The following NELL1 variants were observed in gnomAD, a reference collection of about 807,000 sequenced individuals.
NELL1 encodes the protein protein kinase C-binding protein NELL1.
Under a neutral mutation model 107.4 loss-of-function variants are expected in NELL1, and 76 were observed. That is an observed-to-expected ratio of 0.71 (90% confidence interval 0.59 to 0.86). The LOEUF (loss-of-function observed/expected upper bound fraction) is 0.86. Ranked by LOEUF, NELL1 falls within the 40% of genes least tolerant of loss-of-function variation. The pLI is 0.00. For missense variants in NELL1, 1,024 were observed against 1,005.5 expected, an observed-to-expected ratio of 1.02 and a Z score of -0.25; for synonymous variants, 353 against 341.2, an observed-to-expected ratio of 1.03 and a Z score of -0.38.
chr11:20,980,655 A>G (rs961917469), intron 12 of NELL1, among the ~76,000 whole-genome samples: 1 of 152,200 alleles, frequency 6.6e-6, no homozygotes, highest in African/African-American at 2.4e-5. Flanking sequence ...TAACTTGACA[A>G]TATTGCATAT....
intron 14 of NELL1, among the ~76,000 whole-genome samples, chr11:21,294,149 T>A (rs1188734574): frequency 6.6e-6 from 1 of 152,112 alleles, no homozygotes; most frequent in African/African-American, 2.4e-5. Context: ...ACATGGGCAT[T>A]GCTTAATCAG....
chr11:21,519,500 A>G (rs1398470472), intron 15 of NELL1, among the ~76,000 whole-genome samples: 2 of 146,840 alleles, frequency 1.4e-5, no homozygotes, highest in Admixed American at 7.0e-5. Context: ...GCTAGGAGAT[A>G]GGCTTCCTTT....
intron 13 of NELL1, among the ~76,000 whole-genome samples, chr11:21,195,250 G>C (rs1051463871): frequency 1.2e-4 from 18 of 152,022 alleles, no homozygotes; most frequent in African/African-American, 3.6e-4. Context: ...TTGTACGAAG[G>C]CTGTCATGGT....
chr11:21,389,057 T>A (rs1289348125), intron 15 of NELL1, among the ~76,000 whole-genome samples: 1 of 151,882 alleles, frequency 6.6e-6, no homozygotes, highest in Non-Finnish European at 1.5e-5. Flanking sequence ...ATTTGCTGGT[T>A]ATCTAAGCAG....
chr11:20,898,476 T>C lies in NELL1; in HGVS notation c.603+12936T>C, dbSNP rs188331015. Among the ~76,000 whole-genome samples, 734 of 151,964 alleles carry C rather than the reference T, an allele frequency of 4.8e-3. 9 individuals are homozygous for C. Among genetic ancestry groups the C allele is most frequent in the African/African-American group, 0.017 (704 of 41,448 alleles). ...AGGAGATATACCTAATGTTAAATGA[T>C]GAGTTACTGGGTACAGCACACCAAC... is the stretch of plus-strand genomic sequence containing the variant. On this transcript the variant is annotated intron_variant, in intron 5 of 19. Coordinates refer to ENST00000357134, the MANE Select transcript of NELL1 (RefSeq NM_006157.5).
At chr11:21,552,507 A>T (rs577726796) in intron 16 of NELL1, among the ~76,000 whole-genome samples, 24 of 151,826 alleles carry the variant, frequency 1.6e-4, no homozygotes, top group Non-Finnish European at 7.4e-5. Flanking sequence ...ACAGAAAAAA[A>T]AGACAAATTT....
intron 14 of NELL1, among the ~76,000 whole-genome samples, chr11:21,292,680 T>C (rs1849297474): frequency 2.0e-5 from 3 of 152,188 alleles, no homozygotes; most frequent in African/African-American, 7.2e-5. Context: ...CTTCAAACTA[T>C]ACTGCAAGCC....
At chr11:21,565,842 T>C (rs545936517) in intron 17 of NELL1, among the ~76,000 whole-genome samples, 21 of 152,046 alleles carry the variant, frequency 1.4e-4, no homozygotes, top group Admixed American at 1.3e-3. Context: ...CCCCAGGTGT[T>C]AGGACTAAGA....
chr11:21,040,095 T>A (rs1383443936), intron 12 of NELL1, among the ~76,000 whole-genome samples: 1 of 151,874 alleles, frequency 6.6e-6, no homozygotes. Flanking sequence ...TGGTATTTTT[T>A]CCCGGCTTTT....
intron 2 of NELL1, among the ~76,000 whole-genome samples, chr11:20,695,099 G>A (rs886981008): frequency 6.6e-6 from 1 of 151,916 alleles, no homozygotes; most frequent in African/African-American, 2.4e-5. Context: ...CAGCTTGAAC[G>A]TTACTGTTAT....
intron 12 of NELL1, among the ~76,000 whole-genome samples, chr11:21,020,862 A>C (rs1482194754): frequency 6.6e-6 from 1 of 151,976 alleles, no homozygotes; most frequent in African/African-American, 2.4e-5. Context: ...CACTAATCTT[A>C]AGAGCTCATG....
intron 14 of NELL1, among the ~76,000 whole-genome samples, chr11:21,269,447 T>C (rs985861595): frequency 6.6e-5 from 10 of 150,952 alleles, no homozygotes; most frequent in South Asian, 2.1e-4. Context: ...CTTGAAGAAA[T>C]TCAGGAGAAA....
At chr11:21,349,118 T>C (rs1850746779) in intron 14 of NELL1, among the ~76,000 whole-genome samples, 2 of 152,086 alleles carry the variant, frequency 1.3e-5, no homozygotes, top group Non-Finnish European at 2.9e-5. Flanking sequence ...AGGATGATTC[T>C]GTATTAGAGC....
rs567780425 is a variant in NELL1, at chr11:21,043,005, A to G, written c.1301-70584A>G. Among the ~76,000 whole-genome samples the G allele has an allele frequency of 4.6e-5, 7 of 152,278 alleles. No individual in the cohort carries two copies. In the South Asian group the frequency reaches 1.5e-3, roughly 32 times the overall value. On this transcript the variant is annotated intron_variant, in intron 12 of 19. Transcript: ENST00000357134. ...ATCTGTACATTGAAGCATCTTCTGGAATTGCAATAAGCACACTGAAAATTG... is the reference window on the plus strand; with the variant it reads ...ATCTGTACATTGAAGCATCTTCTGGGATTGCAATAAGCACACTGAAAATTG...
intron 15 of NELL1, among the ~76,000 whole-genome samples, chr11:21,407,828 C>T (rs980003868): frequency 6.6e-6 from 1 of 151,446 alleles, no homozygotes. Flanking sequence ...CTACAGTATC[C>T]TTTATCTAAA....
chr11:20,755,539 TGTTTTTTTTTGTTTTTGTTTTTG>T (rs1564894926), intron 2 of NELL1, among the ~76,000 whole-genome samples: 1 of 116,180 alleles, frequency 8.6e-6, no homozygotes, highest in African/African-American at 4.3e-5. Context: ...TGTGGGTTTT[TGTTTTTTTTTGTTTTTGTTTTTG>T]TTTTTTTTTT....
chr11:20,858,682 C>G (rs534235285), intron 4 of NELL1, among the ~76,000 whole-genome samples: 1 of 152,310 alleles, frequency 6.6e-6, no homozygotes, highest in South Asian at 2.1e-4. Flanking sequence ...TCCATAAACT[C>G]TCCAAGCCGC....
At position 21,560,302 on chromosome 11, in the gene NELL1, T is replaced by C; in HGVS notation, c.1900T>C (p.Cys634Arg). 6.2e-7 allele frequency: 1 copy of C among 1,613,376 alleles called. No homozygotes were observed. The highest frequency in any genetic ancestry group is 8.5e-7 in the Non-Finnish European group (1 of 1,179,644). Residue 634 changes from cysteine (C) to arginine (R), a missense_variant, in exon 17 of 20, where the codon TGT becomes CGT. By Grantham distance (180) the Cys-to-Arg change is radical. Transcript: ENST00000357134. ...CPSGPSCSGD[C>R]PHEGGLKHNG... ...CTCTGGGCCCTCCTGCTCTGGTGAC[T>C]GTCCTCATGAAGGGGGGCTGAAGCA...
At position 20,797,416 on chromosome 11, in the gene NELL1, A is replaced by AG. The variant is rs548576448; in HGVS notation, c.335+13586_335+13587insG. 2.3e-4 allele frequency among the ~76,000 whole-genome samples: 35 copies of AG among 152,080 alleles called. No homozygotes were observed. The East Asian group carries it at 6.2e-3, about 27-fold the overall frequency. ...AGTCTCTACTAAAAATACAAAAAAA[A>AG]TTAGGTGGGCGTGGTGGCGGGCGCC... On this transcript the variant is annotated intron_variant, in intron 3 of 19. Coordinates refer to ENST00000357134, the MANE Select transcript of NELL1 (RefSeq NM_006157.5).
Sources: gnomAD v4.1 joint callset for allele counts (sites outside exome capture counted in the v4.1 genomes callset) on GRCh38, gnomAD v4.1.1 for gene constraint, MANE v1.5 for transcripts, NCBI Gene and HGNC (gene_info 2026-07-23, HGNC 2026-07-21) for gene names.